The following KIF21A variants were observed in gnomAD, a reference collection of about 807,000 sequenced individuals.
KIF21A encodes the protein kinesin family member 21A.
Under a neutral mutation model 202.9 loss-of-function variants are expected in KIF21A, and 114 were observed. The observed-to-expected ratio is 0.56, with a 90% CI of 0.48 to 0.66. The LOEUF is 0.66. Ranked by LOEUF, KIF21A falls within the 30% of genes least tolerant of loss-of-function variation. The pLI is 0.00. For missense variants in KIF21A, 1,677 were observed against 1,994.9 expected (o/e 0.84, Z 3.04); for synonymous variants, 667 against 670.8 (o/e 0.99, Z 0.09).
chr12:39,412,465 C>T (rs182791869), intron 1 of KIF21A, among the ~76,000 whole-genome samples: 9 of 152,212 alleles, frequency 5.9e-5, no homozygotes, highest in African/African-American at 1.9e-4. Context: ...GCCTTTCATC[C>T]CAGCACTTCG....
chr12:39,339,252 G>T (rs1419786062), intron 16 of KIF21A, among the ~76,000 whole-genome samples: 1 of 130,824 alleles, frequency 7.6e-6, no homozygotes. Flanking sequence ...AAAAAAAAAA[G>T]TGTACCATTT....
At chr12:39,368,338 T>C (rs1949736168) in intron 3 of KIF21A, among the ~76,000 whole-genome samples, 1 of 152,170 alleles carries the variant, frequency 6.6e-6, no homozygotes, top group African/African-American at 2.4e-5. Flanking sequence ...AAGCAAACCC[T>C]AGAAACATGT....
At chr12:39,350,565 T>C (rs1306427823) in intron 11 of KIF21A, among the ~76,000 whole-genome samples, 1 of 151,994 alleles carries the variant, frequency 6.6e-6, no homozygotes, top group Non-Finnish European at 1.5e-5. Flanking sequence ...TGGGTAACAC[T>C]ACTTTCGATA....
rs1391950448 is a variant in KIF21A, at chr12:39,338,662, A to C, written c.2311-1459T>G. Among the ~76,000 whole-genome samples the C allele has an allele frequency of 5.3e-5, 8 of 152,322 alleles. No individual in the cohort carries two copies. The South Asian group carries it at 1.4e-3, about 28-fold the overall frequency. ...AGGTTTGGTTCCAGAGCACCGCAAA[A>C]AGGTGAATATCACATTAAAGCAAGT... On this transcript the variant is annotated intron_variant, in intron 16 of 37. Transcript: ENST00000361418.
intron 1 of KIF21A, among the ~76,000 whole-genome samples, chr12:39,373,131 T>TG (rs1472908594): frequency 6.6e-6 from 1 of 152,200 alleles, no homozygotes; most frequent in Non-Finnish European, 1.5e-5. Flanking sequence ...AACAGGAAGT[T>TG]GGTCAGCTCA....
intron 1 of KIF21A, among the ~76,000 whole-genome samples, chr12:39,410,181 A>C (rs1262653528): frequency 6.6e-6 from 1 of 152,202 alleles, no homozygotes; most frequent in East Asian, 1.9e-4. Context: ...GAATGCAAGA[A>C]TTGCAGCACT....
chr12:39,436,448 A>ATATATATATATATATATTTTTTTT (rs1387332677), intron 1 of KIF21A, among the ~76,000 whole-genome samples: 3 of 95,762 alleles, frequency 3.1e-5, no homozygotes, highest in Non-Finnish European at 5.9e-5. Flanking sequence ...ATATATATAT[A>ATATATATATATATATATTTTTTTT]TTTTTTTTTT....
At position 39,377,788 on chromosome 12, in the gene KIF21A, G is replaced by A. The variant is rs527886423; in HGVS notation, c.45-7527C>T. ...CAATAAAGCACAGTAATGTGTTCCA[G>A]GGACTAGGGAGTACATACTTTTATG... is the stretch of plus-strand genomic sequence containing the variant. On this transcript the variant is annotated intron_variant, in intron 1 of 37. Transcript: ENST00000361418. Among the ~76,000 whole-genome samples, 12 of 152,262 alleles carry A rather than the reference G, an allele frequency of 7.9e-5. No individual in the cohort carries two copies. The East Asian group carries it at 2.3e-3, about 29-fold the overall frequency.
chr12:39,424,484 C>G (rs186749345), intron 1 of KIF21A, among the ~76,000 whole-genome samples: 14 of 152,322 alleles, frequency 9.2e-5, no homozygotes, highest in Non-Finnish European at 2.1e-4. Flanking sequence ...CAGACATCTT[C>G]CCTGTGATCC....
intron 7 of KIF21A, among the ~76,000 whole-genome samples, chr12:39,361,654 C>T (rs534356405): frequency 8.2e-5 from 12 of 147,228 alleles, no homozygotes; most frequent in East Asian, 2.1e-4. Flanking sequence ...TACAGGCGCC[C>T]GCCACCACGC....
chr12:39,312,098 T>A (rs1468140139), intron 31 of KIF21A: 2 of 152,804 alleles, frequency 1.3e-5, no homozygotes, highest in Non-Finnish European at 2.9e-5. Context: ...GAACTGACAA[T>A]CTCAAAGAAA....
chr12:39,369,818 G>C lies in KIF21A; in HGVS notation c.361C>G (p.Leu121Val), dbSNP rs767747370. The change falls in exon 3 of 38, where the codon CTT becomes GTT. Residue 121 changes from leucine to valine, a missense_variant. Leu to Val is a conservative substitution (Grantham distance 32, BLOSUM62 1). This residue lies in a region of KIF21A where 966 missense variants were observed against 1,180.9 expected (regional missense o/e 0.82). Coordinates refer to ENST00000361418, the MANE Select transcript of KIF21A (RefSeq NM_001173464.2). ...LGIISRAVKH[L>V]FKSIEEKKHI... ...TTTTTTTCTTCAATACTCTTAAAAA[G>C]GTGTTTAACAGCTCGAGAAATAATA... The C allele has an allele frequency of 6.2e-7, 1 of 1,612,076 alleles. No homozygotes were observed. Among genetic ancestry groups the C allele is most frequent in the Non-Finnish European group, 8.5e-7 (1 of 1,178,578 alleles).
chr12:39,342,166 GA>G (rs781589799), intron 12 of KIF21A, 42 bp from the exon 13 acceptor site: 31 of 1,368,294 alleles, frequency 2.3e-5, no homozygotes, highest in Non-Finnish European at 2.9e-5. Flanking sequence ...AAATAGAAAG[GA>G]AAATTATTCA....
intron 1 of KIF21A, among the ~76,000 whole-genome samples, chr12:39,416,596 AATATACATATATATATAT>A (rs1446639650): frequency 9.5e-5 from 11 of 115,856 alleles, no homozygotes; most frequent in African/African-American, 4.9e-4. Context: ...ATCCGCCTTA[AATATACATATATATATAT>A]ATGTACATAT....
At chr12:39,415,468 C>T (rs1451181583) in intron 1 of KIF21A, among the ~76,000 whole-genome samples, 9 of 152,046 alleles carry the variant, frequency 5.9e-5, no homozygotes, top group Admixed American at 5.9e-4. Context: ...TCTCGATCTC[C>T]TCAACTCGTG....
intron 17 of KIF21A, among the ~76,000 whole-genome samples, chr12:39,335,127 A>G (rs1669161735): frequency 6.6e-6 from 1 of 152,160 alleles, no homozygotes; most frequent in South Asian, 2.1e-4. Context: ...CGTGTTAAAT[A>G]AAAGAAGCCA....
intron 1 of KIF21A, among the ~76,000 whole-genome samples, chr12:39,390,836 C>T (rs955721014): frequency 1.3e-5 from 2 of 151,980 alleles, no homozygotes; most frequent in Non-Finnish European, 2.9e-5. Flanking sequence ...GTACAATAAT[C>T]CTAAGAAGTA....
In KIF21A at chr12:39,416,607, ATATATATATGTACATATATATGTG is replaced by A. The variant is rs1566263615; in HGVS notation, c.44+26296_44+26319del. On this transcript the variant is annotated intron_variant, in intron 1 of 37. Coordinates refer to ENST00000361418, the MANE Select transcript of KIF21A (RefSeq NM_001173464.2). ...TGAGATCCGCCTTAAATATACATATATATATATATGTACATATATATGTGTATATATATATATGTACATATATAT... is the reference window on the plus strand; with the variant it reads ...TGAGATCCGCCTTAAATATACATATATATATATATATATGTACATATATAT... 5.2e-4 allele frequency among the ~76,000 whole-genome samples: 73 copies of A among 139,234 alleles called. 5 individuals carry two copies. The highest frequency in any genetic ancestry group is 1.8e-3 in the African/African-American group (66 of 37,452). The allele number at this position is 139,234 out of a possible 152,430, so 91.3% of individuals were successfully genotyped here. A position where few individuals can be genotyped will look rare whatever the true frequency, so the allele number is the denominator to read the frequency against.
chr12:39,343,592 C>T (rs888763976), intron 12 of KIF21A, among the ~76,000 whole-genome samples: 2 of 152,026 alleles, frequency 1.3e-5, no homozygotes, highest in Admixed American at 6.6e-5. Context: ...CATTTAGGCC[C>T]TATTATAGCT....
Sources: gnomAD v4.1 joint callset for allele counts (sites outside exome capture counted in the v4.1 genomes callset) on GRCh38, gnomAD v4.1.1 for gene constraint, gnomAD v4.1.1 regional missense constraint, MANE v1.5 for transcripts, NCBI Gene and HGNC (gene_info 2026-07-23, HGNC 2026-07-21) for gene names.